Variants in NMT2 observed in about 807,000 individuals in gnomAD.
The protein encoded by NMT2 is N-myristoyltransferase 2, also known as glycylpeptide N-tetradecanoyltransferase 2.
Under a neutral mutation model 65.4 loss-of-function variants are expected in NMT2, and 35 were observed. The ratio of observed to expected loss-of-function variants is 0.54; its 90% confidence interval spans 0.41 to 0.71. NMT2 has a LOEUF of 0.71. Ranked by LOEUF, NMT2 falls within the 30% of genes least tolerant of loss-of-function variation. NMT2 has a pLI of 0.00. For synonymous variants in NMT2, 226 were observed against 231.8 expected (o/e 0.98, Z 0.23); for missense variants, 489 against 611.3 (o/e 0.80, Z 2.11).
At chr10:15,136,636 C>T (rs1846518363) in intron 2 of NMT2, among the ~76,000 whole-genome samples, 1 of 152,172 alleles carries the variant, frequency 6.6e-6, no homozygotes, top group East Asian at 1.9e-4. Context: ...TCCTGATCCT[C>T]TAGAGACAAA....
chr10:15,153,927 C>T (rs1832898711), intron 1 of NMT2, among the ~76,000 whole-genome samples: 3 of 152,226 alleles, frequency 2.0e-5, no homozygotes, highest in Non-Finnish European at 1.5e-5. Context: ...GCTGGGATTA[C>T]AGGCGTGAGC....
intron 6 of NMT2, among the ~76,000 whole-genome samples, 188 bp downstream of exon 6, chr10:15,132,629 T>G (rs574274452): frequency 3.9e-5 from 6 of 152,234 alleles, no homozygotes; most frequent in African/African-American, 1.4e-4. Flanking sequence ...GTTTCACCCA[T>G]GTTGACCAGG....
intron 10 of NMT2, among the ~76,000 whole-genome samples, chr10:15,112,172 CTTTA>C (rs1318972209): frequency 2.0e-5 from 1 of 49,994 alleles, no homozygotes; most frequent in Admixed American, 3.7e-4. Flanking sequence ...AAGATATGGG[CTTTA>C]TATATATATA....
chr10:15,155,944 A>C (rs1832984038), intron 1 of NMT2, among the ~76,000 whole-genome samples: 1 of 150,642 alleles, frequency 6.6e-6, no homozygotes, highest in African/African-American at 2.4e-5. Context: ...GAAAAGTCGC[A>C]TCCAGGGCGG....
chr10:15,161,081 C>CAAAAAAAAAAAAAAAAAAAAAA (rs750859200), intron 1 of NMT2, among the ~76,000 whole-genome samples: 1 of 19,274 alleles, frequency 5.2e-5, no homozygotes, highest in Non-Finnish European at 9.0e-5. Flanking sequence ...CCTCAAAAAT[C>CAAAAAAAAAAAAAAAAAAAAAA]AAAAAAAAAA....
At chr10:15,158,465 T>C (rs1025261715) in intron 1 of NMT2, among the ~76,000 whole-genome samples, 2 of 152,172 alleles carry the variant, frequency 1.3e-5, no homozygotes, top group Admixed American at 1.3e-4. Flanking sequence ...AGAAAAGCCT[T>C]CACATATTCT....
intron 1 of NMT2, among the ~76,000 whole-genome samples, chr10:15,161,081 CAA>C (rs750859200): frequency 0.18 from 3,360 of 18,684 alleles, 9 homozygotes; most frequent in Middle Eastern, 0.29. Context: ...CCTCAAAAAT[CAA>C]AAAAAAAAAA....
chr10:15,151,095 G>T, intron 1 of NMT2, among the ~76,000 whole-genome samples: 1 of 132,250 alleles, frequency 7.6e-6, no homozygotes, highest in Non-Finnish European at 1.6e-5. Flanking sequence ...TTTCACTCTT[G>T]CTGCCCAGGC....
At chr10:15,153,640 T>C (rs187647415) in intron 1 of NMT2, among the ~76,000 whole-genome samples, 4 of 152,120 alleles carry the variant, frequency 2.6e-5, no homozygotes, top group Non-Finnish European at 5.9e-5. Flanking sequence ...GATGTTTTGT[T>C]TTATTTTATT....
intron 1 of NMT2, among the ~76,000 whole-genome samples, chr10:15,151,790 T>C (rs1238335608): frequency 6.6e-6 from 1 of 152,090 alleles, no homozygotes; most frequent in East Asian, 1.9e-4. Flanking sequence ...TTTGGGAGGC[T>C]GAGGCAGGTG....
At position 15,128,529 on chromosome 10, in the gene NMT2, T is replaced by G. The variant is rs1846173911; in HGVS notation, c.891-71A>C. 3 of 970,238 alleles carry G rather than the reference T, an allele frequency of 3.1e-6. No individual in the cohort carries two copies. In the African/African-American group the frequency reaches 4.9e-5, roughly 16 times the overall value. The allele number at this position is 970,238 out of a possible 1,614,324, so 60.1% of individuals were successfully genotyped here. On this transcript the variant is annotated intron_variant, in intron 7 of 11. Coordinates refer to ENST00000378165, the MANE Select transcript of NMT2 (RefSeq NM_004808.3). ...ACAAGTTTTCACTCTTTGTCTCAGC[T>G]TGGCTGTTACATAAGCATTTACTGA...
intron 1 of NMT2, among the ~76,000 whole-genome samples, chr10:15,159,579 C>A (rs182337329): frequency 2.6e-5 from 4 of 152,198 alleles, no homozygotes; most frequent in Non-Finnish European, 5.9e-5. Context: ...AGGTGCCCGC[C>A]ATCGTGCCAG....
intron 8 of NMT2, among the ~76,000 whole-genome samples, chr10:15,124,777 T>G (rs908096228): frequency 1.3e-5 from 2 of 152,256 alleles, no homozygotes; most frequent in African/African-American, 4.8e-5. Context: ...AAGGGACTGC[T>G]GCCAGCACCT....
At chr10:15,151,591 T>C (rs1168811803) in intron 1 of NMT2, among the ~76,000 whole-genome samples, 2 of 152,240 alleles carry the variant, frequency 1.3e-5, no homozygotes, top group Admixed American at 1.3e-4. Flanking sequence ...TTTACATATC[T>C]TTAAGATCAT....
At chr10:15,118,759 C>T (rs1280762922) in intron 9 of NMT2, among the ~76,000 whole-genome samples, 1 of 152,156 alleles carries the variant, frequency 6.6e-6, no homozygotes, top group Middle Eastern at 3.2e-3. Context: ...TGACCATACC[C>T]ACGTCTTGTG....
chr10:15,149,207 T>A (rs200214173), intron 1 of NMT2, among the ~76,000 whole-genome samples: 2 of 131,774 alleles, frequency 1.5e-5, no homozygotes, highest in African/African-American at 5.5e-5. Flanking sequence ...ATCACCACCA[T>A]CATCACCATC....
intron 9 of NMT2, among the ~76,000 whole-genome samples, chr10:15,113,534 C>G (rs903602948): frequency 3.3e-5 from 5 of 149,464 alleles, no homozygotes; most frequent in African/African-American, 1.2e-4. Context: ...AAGCTTCCCT[C>G]AGGCTGACAA....
chr10:15,154,719 G>A (rs1324146824), intron 1 of NMT2: 6 of 539,646 alleles, frequency 1.1e-5, no homozygotes, highest in East Asian at 7.9e-5. Flanking sequence ...AGGATACTGC[G>A]AGCAAATGGG....
intron 2 of NMT2, chr10:15,141,210 C>CCA (rs1461012399): frequency 1.3e-5 from 10 of 774,762 alleles, no homozygotes; most frequent in Non-Finnish European, 1.9e-5. Flanking sequence ...CAGCAGGTAT[C>CCA]CACACACACA....
Sources: allele counts gnomAD v4.1 joint callset (sites outside exome capture counted in the v4.1 genomes callset), GRCh38; gene constraint gnomAD v4.1.1; transcripts MANE v1.5; gene names NCBI Gene and HGNC (gene_info 2026-07-23, HGNC 2026-07-21).